The following OSBPL3 variants were observed in gnomAD, a reference collection of about 807,000 sequenced individuals.
OSBPL3 encodes the protein oxysterol-binding protein-related protein 3.
A neutral mutation model predicts 120.1 loss-of-function variants in OSBPL3; 65 were observed. The observed-to-expected ratio is 0.54, with a 90% CI of 0.44 to 0.67. The LOEUF (loss-of-function observed/expected upper bound fraction) is 0.67, where lower values mean the gene tolerates loss of function less well. Ranked by LOEUF, OSBPL3 falls within the 30% of genes least tolerant of loss-of-function variation. The probability of loss-of-function intolerance (pLI) is 0.00; values close to 1 mark genes in which losing one functional copy is unlikely to be tolerated. For missense variants in OSBPL3, 1,004 were observed against 1,082.1 expected (o/e 0.93, Z 1.01); for synonymous variants, 416 against 402.6 (o/e 1.03, Z -0.40).
intron 1 of OSBPL3, among the ~76,000 whole-genome samples, chr7:24,963,063 T>C (rs1286902863): frequency 1.3e-5 from 2 of 152,204 alleles, no homozygotes; most frequent in African/African-American, 4.8e-5. Context: ...TTATTTCCGC[T>C]TACAAAGGAA....
rs751840967 is a variant in OSBPL3 at position 24,967,367 on chromosome 7, T to G, written c.-150+12519A>C. On this transcript the variant is annotated intron_variant, in intron 1 of 22. Coordinates refer to ENST00000313367, the MANE Select transcript of OSBPL3 (RefSeq NM_015550.4). The surrounding 1 kb of genome is among the most constrained non-coding windows in gnomAD (Gnocchi z 5.6). ...TTTTCACCTTTGCTCATCACTCCCC[T>G]CTACCTGAAATGTCCTTCTCTCCCA... 6.6e-6 allele frequency among the ~76,000 whole-genome samples: 1 copy of G among 152,184 alleles called. No homozygotes were observed. The highest frequency in any genetic ancestry group is 1.9e-4 in the East Asian group (1 of 5,196).
At chr7:24,906,860 C>T (rs1808010383) in intron 1 of OSBPL3, among the ~76,000 whole-genome samples, 1 of 152,124 alleles carries the variant, frequency 6.6e-6, no homozygotes, top group Non-Finnish European at 1.5e-5. Flanking sequence ...GGCCCCTTAC[C>T]TTAGTAAAGC....
rs756987984 is a variant in OSBPL3 at position 24,834,182 on chromosome 7, G to A, written c.1746+304C>T. 3.8e-4 allele frequency: 415 copies of A among 1,089,880 alleles called. No individual in the cohort carries two copies. The highest frequency in any genetic ancestry group is 4.4e-4 in the Non-Finnish European group (391 of 888,842). 67.5% of individuals were successfully genotyped at this position (1,089,880 alleles called of 1,614,324 possible). A position where few individuals can be genotyped will look rare whatever the true frequency, so the allele number is the denominator to read the frequency against. The stretch of plus-strand genomic sequence containing the variant: ...AGCCCTAAAGACATGTTTTCCAGCC[G>A]GGCACATCGGAACAATCAGCCAGAA... On this transcript the variant is annotated intron_variant, in intron 15 of 22. Coordinates refer to ENST00000313367, the MANE Select transcript of OSBPL3 (RefSeq NM_015550.4). The surrounding 1 kb of genome is among the most constrained non-coding windows in gnomAD (Gnocchi z 5.2).
chr7:24,882,960 T>C (rs1330503621), intron 2 of OSBPL3, among the ~76,000 whole-genome samples: 1 of 152,232 alleles, frequency 6.6e-6, no homozygotes, highest in African/African-American at 2.4e-5. Flanking sequence ...GAGTTCCTTG[T>C]ATATTCTGGA....
intron 14 of OSBPL3, among the ~76,000 whole-genome samples, chr7:24,839,112 C>T (rs1797374493): frequency 6.6e-6 from 1 of 152,200 alleles, no homozygotes; most frequent in Admixed American, 6.5e-5. Context: ...CACATACACA[C>T]TGAGCTGAGG....
At position 24,955,200 on chromosome 7, in the gene OSBPL3, G is replaced by C. The variant is rs1260723775; in HGVS notation, c.-150+24686C>G. 2.0e-5 allele frequency among the ~76,000 whole-genome samples: 3 copies of C among 152,196 alleles called. No homozygotes were observed. Among genetic ancestry groups the C allele is most frequent in the Non-Finnish European group, 4.4e-5 (3 of 68,028 alleles). On this transcript the variant is annotated intron_variant, in intron 1 of 22. Coordinates refer to ENST00000313367, the MANE Select transcript of OSBPL3 (RefSeq NM_015550.4). The surrounding 1 kb of genome is among the most constrained non-coding windows in gnomAD (Gnocchi z 4.3). ...AAAAAATTATTTTTGAATTAATAAAGTTATAGTTCAATCATTCATGAATTT... is the reference window on the plus strand; with the variant it reads ...AAAAAATTATTTTTGAATTAATAAACTTATAGTTCAATCATTCATGAATTT...
At chr7:24,857,397 G>T (rs1799968500) in intron 10 of OSBPL3, among the ~76,000 whole-genome samples, 1 of 152,138 alleles carries the variant, frequency 6.6e-6, no homozygotes, top group East Asian at 1.9e-4. Context: ...ACCAAGTTTG[G>T]TCATTTCTGT....
At chr7:24,905,710 G>GT (rs1315372288) in intron 1 of OSBPL3, among the ~76,000 whole-genome samples, 2 of 152,158 alleles carry the variant, frequency 1.3e-5, no homozygotes, top group Non-Finnish European at 2.9e-5. Flanking sequence ...GGAAGAGGGC[G>GT]TAAGTCTTCC....
chr7:24,892,526 G>A lies in OSBPL3; in HGVS notation c.-54C>T. The A allele has an allele frequency of 1.3e-6, 2 of 1,589,578 alleles. No individual in the cohort carries two copies. The highest frequency in any genetic ancestry group is 8.6e-7 in the Non-Finnish European group (1 of 1,162,008). ...ATCAAAATGCCATCAGATGACAAGG[G>A]AGCCGAGAGTATGGAAGTCCCCAGT... is the stretch of plus-strand genomic sequence containing the variant. On this transcript the variant is annotated 5_prime_UTR_variant, in exon 2 of 23. Transcript: ENST00000313367.
intron 2 of OSBPL3, among the ~76,000 whole-genome samples, chr7:24,887,828 T>C (rs1022024491): frequency 6.6e-6 from 1 of 152,162 alleles, no homozygotes; most frequent in African/African-American, 2.4e-5. Flanking sequence ...GTGCAGCTAC[T>C]ACCAAGAGAT....
At position 24,851,081 on chromosome 7, in the gene OSBPL3, G is replaced by A. The variant is rs1056051733; in HGVS notation, c.1158+1423C>T. On this transcript the variant is annotated intron_variant, in intron 11 of 22. Transcript: ENST00000313367. The surrounding 1 kb of genome is among the most constrained non-coding windows in gnomAD (Gnocchi z 4.1). ...AGATGAGGCCAGGCCTCTGTGGGAG[G>A]AGGCAGGGAGAGGAAGATCATGGGG... Among the ~76,000 whole-genome samples the A allele has an allele frequency of 1.3e-5, 2 of 152,204 alleles. No homozygotes were observed. The highest frequency in any genetic ancestry group is 4.8e-5 in the African/African-American group (2 of 41,456).
At chr7:24,951,322 G>A (rs1442291033) in intron 1 of OSBPL3, among the ~76,000 whole-genome samples, 1 of 152,048 alleles carries the variant, frequency 6.6e-6, no homozygotes, top group Non-Finnish European at 1.5e-5. Flanking sequence ...CCTTGCTCAA[G>A]TAAAAAGTAA....
intron 2 of OSBPL3, among the ~76,000 whole-genome samples, chr7:24,890,776 T>A (rs932992372): frequency 2.6e-5 from 4 of 152,208 alleles, no homozygotes; most frequent in Admixed American, 2.6e-4. Context: ...AGTGACTGAT[T>A]GACCAAGCAT....
upstream of OSBPL3, among the ~76,000 whole-genome samples, chr7:24,981,035 C>T (rs942185398): frequency 2.0e-5 from 3 of 152,106 alleles, no homozygotes; most frequent in Non-Finnish European, 4.4e-5. This position sits in a 1 kb window ranked among gnomAD's most constrained non-coding sequence, Gnocchi z 7.3. Flanking sequence ...TTAGTGAGCA[C>T]CTAGTATATG....
rs547595025 is a variant in OSBPL3, at chr7:24,896,542, A to C, written c.-149-3921T>G. ...ACGCACTGTCAAGTATTTTGGCAAC[A>C]AAGGCTGATTTTAAGACTCATGTTA... On this transcript the variant is annotated intron_variant, in intron 1 of 22. Coordinates refer to ENST00000313367, the MANE Select transcript of OSBPL3 (RefSeq NM_015550.4). This position sits in a 1 kb window ranked among gnomAD's most constrained non-coding sequence, Gnocchi z 4.4. Among the ~76,000 whole-genome samples, 4 of 152,350 alleles carry C rather than the reference A, an allele frequency of 2.6e-5. No homozygotes were observed. In the East Asian group the frequency reaches 7.7e-4, roughly 29 times the overall value.
In OSBPL3 at chr7:24,815,048, A is replaced by G. The variant is rs774960022; in HGVS notation, c.2172+11T>C. 2 of 1,613,696 alleles carry G rather than the reference A, an allele frequency of 1.2e-6. No homozygotes were observed. The highest frequency in any genetic ancestry group is 1.7e-6 in the Non-Finnish European group (2 of 1,179,624). On this transcript the variant is annotated intron_variant, in intron 19 of 22. Transcript: ENST00000313367. This position sits in a 1 kb window ranked among gnomAD's most constrained non-coding sequence, Gnocchi z 5.1. ...TTCCAGGGTCAGAGCTCAGAGAGTC[A>G]CTGGAGTTACCTTTATAAAATTCAC...
Position 24,804,759 on chromosome 7 carries a change from T to C in OSBPL3, c.2445-322A>G, listed in dbSNP as rs979033200. On this transcript the variant is annotated intron_variant, in intron 21 of 22. Transcript: ENST00000313367. The surrounding 1 kb of genome is among the most constrained non-coding windows in gnomAD (Gnocchi z 5.4). ...TTTATTAGTTTCCTCTGCATCCTTC[T>C]AGAGATTCTTCATGTGTATATAAAC... Among the ~76,000 whole-genome samples the C allele has an allele frequency of 6.6e-6, 1 of 152,236 alleles. No individual in the cohort carries two copies. The highest frequency in any genetic ancestry group is 2.4e-5 in the African/African-American group (1 of 41,460).
rs1799751630 is a variant in OSBPL3 at position 24,855,646 on chromosome 7, G to C, written c.1028-3012C>G. On this transcript the variant is annotated intron_variant, in intron 10 of 22. Transcript: ENST00000313367. The surrounding 1 kb of genome is among the most constrained non-coding windows in gnomAD (Gnocchi z 4.3). ...CACCTAATGATCTGCCACACACAGG[G>C]CAATGATCAGAGGTTGCTCATGAGA... 6.6e-6 allele frequency among the ~76,000 whole-genome samples: 1 copy of C among 152,156 alleles called. No individual in the cohort carries two copies. Among genetic ancestry groups the C allele is most frequent in the Non-Finnish European group, 1.5e-5 (1 of 68,028 alleles).
rs1055417812 is a variant in OSBPL3 at position 24,827,251 on chromosome 7, C to T, written c.1884+3517G>A. 6.6e-6 allele frequency among the ~76,000 whole-genome samples: 1 copy of T among 152,226 alleles called. No homozygotes were observed. Among genetic ancestry groups the T allele is most frequent in the Non-Finnish European group, 1.5e-5 (1 of 68,036 alleles). Reference sequence around the variant, plus strand: ...AAGGGCGGAGTCATGCTGTCTCCATCAAGGTAGACTGTCTCCTGGGCTGGA... The same window carrying T: ...AAGGGCGGAGTCATGCTGTCTCCATTAAGGTAGACTGTCTCCTGGGCTGGA... On this transcript the variant is annotated intron_variant, in intron 16 of 22. Coordinates refer to ENST00000313367, the MANE Select transcript of OSBPL3 (RefSeq NM_015550.4). This position sits in a 1 kb window ranked among gnomAD's most constrained non-coding sequence, Gnocchi z 5.1.
Sources: gnomAD v4.1 joint callset for allele counts (sites outside exome capture counted in the v4.1 genomes callset) on GRCh38, gnomAD v4.1.1 for gene constraint, Gnocchi (gnomAD v3.1) non-coding constraint, MANE v1.5 for transcripts, NCBI Gene and HGNC (gene_info 2026-07-23, HGNC 2026-07-21) for gene names.